Variants in DOCK9 observed in about 807,000 individuals in gnomAD.
The protein encoded by DOCK9 is dedicator of cytokinesis 9.
A neutral mutation model predicts 263.3 loss-of-function variants in DOCK9; 89 were observed. The observed-to-expected ratio is 0.34, with a 90% CI of 0.28 to 0.40. The LOEUF is 0.40. Ranked by LOEUF, DOCK9 falls within the 10% of genes least tolerant of loss-of-function variation. The probability of loss-of-function intolerance (pLI) is 1.00; values close to 1 mark genes in which losing one functional copy is unlikely to be tolerated. For synonymous variants in DOCK9, 976 were observed against 973.1 expected, an observed-to-expected ratio of 1.00 and a Z score of -0.06; for missense variants, 2,140 against 2,603.4, an observed-to-expected ratio of 0.82 and a Z score of 3.87.
chr13:98,979,233 A>G (rs77349149), upstream of DOCK9, among the ~76,000 whole-genome samples: 11,639 of 122,174 alleles, frequency 0.095, 532 homozygotes, highest in African/African-American at 0.15. Context: ...TAGTAGTAGC[A>G]GCAGCGGCGG....
chr13:99,039,227 A>C (rs1391669548), intron 1 of DOCK9, among the ~76,000 whole-genome samples: 1 of 152,210 alleles, frequency 6.6e-6, no homozygotes, highest in Non-Finnish European at 1.5e-5. Flanking sequence ...ATACAAAATA[A>C]TTATGTTCAC....
intron 37 of DOCK9, chr13:98,846,596 G>C: frequency 7.4e-7 from 1 of 1,345,660 alleles, no homozygotes; most frequent in East Asian, 4.6e-5. Flanking sequence ...AGAGTGATTT[G>C]GGTTAGCAAT....
chr13:98,942,044 G>A (rs546456885), intron 2 of DOCK9, among the ~76,000 whole-genome samples: 1 of 152,294 alleles, frequency 6.6e-6, no homozygotes, highest in African/African-American at 2.4e-5. Context: ...AGACAGACCT[G>A]AGTTAAAACC....
chr13:98,917,634 CTTTTTTTTTCT>C (rs2051103814), intron 7 of DOCK9, among the ~76,000 whole-genome samples: 1 of 145,710 alleles, frequency 6.9e-6, no homozygotes, highest in Non-Finnish European at 1.5e-5. Flanking sequence ...TGTATTTTAC[CTTTTTTTTTCT>C]TTTTTTTTTT....
Position 98,885,057 on chromosome 13 carries a change from T to G in DOCK9, c.2296A>C (p.Arg766=), listed in dbSNP as rs1270984554. ...ATGTGCTGCTCGCTTGTCACCACCC[T>G]TCCGTCTTTCAGGAGGGGAAGCCAG... ...YSWLPLLKDG[R]VVTSEQHIPV... The change falls in exon 21 of 53, where the codon AGG becomes CGG. Residue 766 remains arginine, a synonymous_variant. Transcript: ENST00000682017. 6.2e-7 allele frequency: 1 copy of G among 1,613,636 alleles called. No individual in the cohort carries two copies. Among genetic ancestry groups the G allele is most frequent in the Non-Finnish European group, 8.5e-7 (1 of 1,179,796 alleles).
Position 98,930,155 on chromosome 13 carries a change from G to A in DOCK9, c.333+13C>T. ...GACTTCAAAATGTAAATTAATGCAG[G>A]AAAGAGCCTTACCTCTGTAACAAAC... is the stretch of plus-strand genomic sequence containing the variant. On this transcript the variant is annotated intron_variant, in intron 3 of 52. Transcript: ENST00000682017. 1 of 1,601,824 alleles carries A rather than the reference G, an allele frequency of 6.2e-7. No individual in the cohort carries two copies. Among genetic ancestry groups the A allele is most frequent in the Non-Finnish European group, 8.5e-7 (1 of 1,173,586 alleles).
chr13:99,087,856 CAG>C (rs2042384486), upstream of DOCK9: 1 of 152,304 alleles, frequency 6.6e-6, no homozygotes, highest in African/African-American at 2.4e-5. Flanking sequence ...TCGGCCTCCG[CAG>C]AGAGTGGTGG....
At chr13:98,982,027 C>A (rs1043955794), upstream of DOCK9, among the ~76,000 whole-genome samples, 1 of 152,202 alleles carries the variant, frequency 6.6e-6, no homozygotes, top group Non-Finnish European at 1.5e-5. Context: ...TAACCCACAA[C>A]AAACATATCT....
At chr13:98,812,315 G>T (rs1361966965) in intron 45 of DOCK9, among the ~76,000 whole-genome samples, 1 of 150,996 alleles carries the variant, frequency 6.6e-6, no homozygotes, top group African/African-American at 2.4e-5. Context: ...GCTCCTTGAA[G>T]AGCTTACAGT....
At chr13:98,962,649 A>G (rs1414614101) in intron 1 of DOCK9, among the ~76,000 whole-genome samples, 3 of 152,058 alleles carry the variant, frequency 2.0e-5, no homozygotes, top group African/African-American at 7.2e-5. Context: ...AAAAAAAAAA[A>G]AAGAAAAAAA....
At chr13:98,988,067 T>C (rs1785494818) in intron 1 of DOCK9, among the ~76,000 whole-genome samples, 1 of 152,198 alleles carries the variant, frequency 6.6e-6, no homozygotes, top group South Asian at 2.1e-4. Context: ...ATTTAAAATT[T>C]TCCTTTAAAA....
chr13:99,084,978 A>G (rs551389325), intron 1 of DOCK9, among the ~76,000 whole-genome samples: 218 of 152,342 alleles, frequency 1.4e-3, no homozygotes, highest in South Asian at 9.3e-3. Flanking sequence ...AGAAAAATTA[A>G]ATCCTTGTTT....
At chr13:98,806,728 G>T (rs1362562017) in intron 48 of DOCK9, among the ~76,000 whole-genome samples, 1 of 151,618 alleles carries the variant, frequency 6.6e-6, no homozygotes, top group Non-Finnish European at 1.5e-5. Flanking sequence ...GGCCAACATG[G>T]TGAAACCCTG....
intron 1 of DOCK9, among the ~76,000 whole-genome samples, chr13:99,052,428 A>G (rs1389566002): frequency 6.6e-6 from 1 of 152,228 alleles, no homozygotes; most frequent in Non-Finnish European, 1.5e-5. Flanking sequence ...AAATGATTTC[A>G]AAGTACAGAC....
chr13:98,887,614 T>A (rs1220177690), intron 18 of DOCK9, among the ~76,000 whole-genome samples: 1 of 8,094 alleles, frequency 1.2e-4, no homozygotes, highest in Admixed American at 2.3e-3. Flanking sequence ...AGACTCCATC[T>A]CAAAAAAAAA....
At chr13:98,854,919 T>C (rs1233526729) in intron 34 of DOCK9, among the ~76,000 whole-genome samples, 1 of 152,178 alleles carries the variant, frequency 6.6e-6, no homozygotes, top group Non-Finnish European at 1.5e-5. Context: ...CGGGTGTTTT[T>C]GGAGAACTAG....
chr13:98,958,415 C>G (rs1434707522), intron 1 of DOCK9, among the ~76,000 whole-genome samples: 1 of 152,222 alleles, frequency 6.6e-6, no homozygotes, highest in Non-Finnish European at 1.5e-5. Context: ...AGAGGCTCTT[C>G]CCAGTTTGTT....
At chr13:98,936,250 C>T (rs1480310640) in intron 2 of DOCK9, among the ~76,000 whole-genome samples, 1 of 152,110 alleles carries the variant, frequency 6.6e-6, no homozygotes, top group Non-Finnish European at 1.5e-5. Context: ...CAAAACTCTC[C>T]TGTACCCACA....
At chr13:99,033,453 G>T (rs563582903) in intron 1 of DOCK9, among the ~76,000 whole-genome samples, 67 of 152,338 alleles carry the variant, frequency 4.4e-4, no homozygotes, top group African/African-American at 1.5e-3. Context: ...GTGGGTGACG[G>T]AAGTATCACA....
Sources: gnomAD v4.1 joint callset for allele counts (sites outside exome capture counted in the v4.1 genomes callset) on GRCh38, gnomAD v4.1.1 for gene constraint, MANE v1.5 for transcripts, NCBI Gene and HGNC (gene_info 2026-07-23, HGNC 2026-07-21) for gene names.